SYNPR: variants seen among roughly 807,000 people sequenced by gnomAD.
SYNPR encodes synaptoporin.
A neutral mutation model predicts 32.9 loss-of-function variants in SYNPR; 23 were observed. That is an observed-to-expected ratio of 0.70 (90% CI 0.50 to 0.99). The LOEUF (loss-of-function observed/expected upper bound fraction) is 0.99, where lower values mean the gene tolerates loss of function less well. SYNPR is among the 50% of genes least tolerant of loss of function. The pLI is 0.00. For synonymous variants in SYNPR, 146 were observed against 135.9 expected (o/e 1.07, Z -0.52); for missense variants, 318 against 349.3 (o/e 0.91, Z 0.71).
chr3:63,501,111 C>A (rs549683368), intron 3 of SYNPR, among the ~76,000 whole-genome samples: 29 of 152,048 alleles, frequency 1.9e-4, no homozygotes, highest in Non-Finnish European at 3.7e-4. Context: ...CATTATTATT[C>A]GCACTGGTGA....
At chr3:63,434,200 G>C (rs558000070) in intron 2 of SYNPR, among the ~76,000 whole-genome samples, 6 of 152,276 alleles carry the variant, frequency 3.9e-5, no homozygotes, top group African/African-American at 1.4e-4. Flanking sequence ...TGGAGGCATA[G>C]TGGTTTAACA....
chr3:63,339,659 GTTCT>G (rs2087338147), intron 2 of SYNPR, among the ~76,000 whole-genome samples: 1 of 142,728 alleles, frequency 7.0e-6, no homozygotes, highest in Non-Finnish European at 1.5e-5. Context: ...AATTCCTTGT[GTTCT>G]TTTTTTTTTT....
chr3:63,452,421 C>A (rs1390818055), intron 2 of SYNPR, among the ~76,000 whole-genome samples: 1 of 152,090 alleles, frequency 6.6e-6, no homozygotes, highest in Non-Finnish European at 1.5e-5. Context: ...TTCATTTAAG[C>A]CTCGCAACTA....
chr3:63,444,785 G>C (rs770343706), intron 2 of SYNPR, among the ~76,000 whole-genome samples: 8 of 151,980 alleles, frequency 5.3e-5, no homozygotes, highest in Non-Finnish European at 1.2e-4. Context: ...TTGACAAACA[G>C]ACTGAATTTT....
At chr3:63,592,571 T>TG (rs1649412085) in intron 4 of SYNPR, among the ~76,000 whole-genome samples, 1 of 152,116 alleles carries the variant, frequency 6.6e-6, no homozygotes, top group Non-Finnish European at 1.5e-5. Flanking sequence ...TAATAAATAT[T>TG]GTCTCTATTC....
At chr3:63,510,084 G>A (rs973834975) in intron 3 of SYNPR, among the ~76,000 whole-genome samples, 1 of 152,068 alleles carries the variant, frequency 6.6e-6, no homozygotes, top group Non-Finnish European at 1.5e-5. Context: ...GGTTGATGGT[G>A]AGTATGTGGC....
At chr3:63,229,841 G>A (rs921744040) in intron 1 of SYNPR, among the ~76,000 whole-genome samples, 17 of 151,976 alleles carry the variant, frequency 1.1e-4, no homozygotes, top group African/African-American at 4.1e-4. Flanking sequence ...TTTTAATGGT[G>A]AACACTGCAA....
chr3:63,323,709 A>G (rs1367556106), intron 2 of SYNPR, among the ~76,000 whole-genome samples: 1 of 152,124 alleles, frequency 6.6e-6, no homozygotes, highest in African/African-American at 2.4e-5. Context: ...GAAAAGAAAA[A>G]CAAAAGCAAA....
intron 2 of SYNPR, among the ~76,000 whole-genome samples, chr3:63,387,727 G>A (rs1479964475): frequency 1.3e-5 from 2 of 152,154 alleles, no homozygotes; most frequent in Non-Finnish European, 2.9e-5. Flanking sequence ...GAGGGAAATA[G>A]CAAGAAAGGC....
chr3:63,526,223 G>A lies in SYNPR; in HGVS notation c.210-30320G>A, dbSNP rs1441441430. 3.9e-5 allele frequency among the ~76,000 whole-genome samples: 6 copies of A among 152,210 alleles called. No homozygotes were observed. In the East Asian group the frequency reaches 7.7e-4, roughly 20 times the overall value. ...AAACCACATCCGAACCATTGTAAAG[G>A]TCAAAGGAGACTTTCCTTGGTTCTT... On this transcript the variant is annotated intron_variant, in intron 3 of 5. Transcript: ENST00000478300.
chr3:63,398,106 C>T (rs1335940786), intron 2 of SYNPR, among the ~76,000 whole-genome samples: 1 of 151,814 alleles, frequency 6.6e-6, no homozygotes, highest in Non-Finnish European at 1.5e-5. Flanking sequence ...CAAGTGAATA[C>T]TTTACTTCTG....
At chr3:63,537,762 T>C (rs1702235083) in intron 3 of SYNPR, among the ~76,000 whole-genome samples, 2 of 152,154 alleles carry the variant, frequency 1.3e-5, no homozygotes. Flanking sequence ...AAATCCATGC[T>C]ACAATTAATA....
intron 4 of SYNPR, among the ~76,000 whole-genome samples, chr3:63,576,341 T>C (rs1246710141): frequency 6.6e-6 from 1 of 152,156 alleles, no homozygotes; most frequent in Non-Finnish European, 1.5e-5. Context: ...CACAAGAGAA[T>C]TGTTGCTAAT....
chr3:63,545,023 A>AG (rs201665185), intron 3 of SYNPR, among the ~76,000 whole-genome samples: 1,292 of 106,436 alleles, frequency 0.012, 4 homozygotes, highest in Non-Finnish European at 0.02. Flanking sequence ...CCTTTGATTT[A>AG]GGGGAAAAAA....
intron 3 of SYNPR, among the ~76,000 whole-genome samples, chr3:63,523,260 C>T (rs897446546): frequency 6.6e-6 from 1 of 152,076 alleles, no homozygotes; most frequent in Non-Finnish European, 1.5e-5. Flanking sequence ...TTTGCCCTTC[C>T]AAGTCCACTC....
chr3:63,387,028 T>C (rs1165744480), intron 2 of SYNPR, among the ~76,000 whole-genome samples: 1 of 152,226 alleles, frequency 6.6e-6, no homozygotes, highest in African/African-American at 2.4e-5. Context: ...CGTAGTCTTA[T>C]CAGGAAAATT....
chr3:63,396,965 G>T (rs1163291937), intron 2 of SYNPR, among the ~76,000 whole-genome samples: 1 of 152,094 alleles, frequency 6.6e-6, no homozygotes, highest in Non-Finnish European at 1.5e-5. Flanking sequence ...TTAGCCAGGC[G>T]TGGTGGCAGG....
chr3:63,517,821 C>A (rs1017140330), intron 3 of SYNPR, among the ~76,000 whole-genome samples: 2 of 152,060 alleles, frequency 1.3e-5, no homozygotes, highest in African/African-American at 4.8e-5. Context: ...TGTACCTGAC[C>A]CCAAAGCCAG....
At chr3:63,320,384 T>G (rs559468224) in intron 2 of SYNPR, among the ~76,000 whole-genome samples, 76 of 152,216 alleles carry the variant, frequency 5.0e-4, no homozygotes, top group African/African-American at 1.8e-3. Flanking sequence ...ATGGCCACCA[T>G]ATCTTTTGAA....
Sources: gnomAD v4.1 joint callset for allele counts (sites outside exome capture counted in the v4.1 genomes callset) on GRCh38, gnomAD v4.1.1 for gene constraint, MANE v1.5 for transcripts, NCBI Gene and HGNC (gene_info 2026-07-23, HGNC 2026-07-21) for gene names.